B3GLCT: variants seen among roughly 807,000 people sequenced by gnomAD.
B3GLCT encodes the protein beta-1,3-glucosyltransferase.
A neutral mutation model predicts 63.4 loss-of-function variants in B3GLCT; 65 were observed. The ratio of observed to expected loss-of-function variants is 1.03; its 90% CI spans 0.84 to 1.26. The LOEUF is 1.26. B3GLCT is among the 50% of genes most tolerant of loss of function. B3GLCT has a pLI of 0.00. For synonymous variants in B3GLCT, 233 were observed against 219.2 expected, an observed-to-expected ratio of 1.06 and a Z score of -0.55; for missense variants, 577 against 604.8, an observed-to-expected ratio of 0.95 and a Z score of 0.48.
intron 12 of B3GLCT, among the ~76,000 whole-genome samples, chr13:31,304,649 C>T (rs1386547187): frequency 3.1e-5 from 1 of 31,886 alleles, no homozygotes; most frequent in Non-Finnish European, 5.6e-5. Flanking sequence ...ATTTATGCAC[C>T]CAATACAGGA....
At chr13:31,245,894 C>G (rs923074120) in intron 4 of B3GLCT, among the ~76,000 whole-genome samples, 4 of 152,098 alleles carry the variant, frequency 2.6e-5, no homozygotes, top group African/African-American at 9.7e-5. Flanking sequence ...AAGGTTTGCT[C>G]TTTCTAACAT....
chr13:31,247,213 T>C (rs1871237413), intron 5 of B3GLCT, 114 bp downstream of exon 5: 1 of 834,572 alleles, frequency 1.2e-6, no homozygotes, highest in African/African-American at 1.7e-5. Flanking sequence ...GTGAAGTAAA[T>C]TTGAGTTTTA....
chr13:31,296,943 C>A (rs1378888069), intron 12 of B3GLCT, among the ~76,000 whole-genome samples: 1 of 152,086 alleles, frequency 6.6e-6, no homozygotes, highest in Non-Finnish European at 1.5e-5. Context: ...AACCCCATCC[C>A]CTGGCAACCA....
chr13:31,227,679 G>T (rs1179891716), intron 3 of B3GLCT, among the ~76,000 whole-genome samples: 1 of 152,148 alleles, frequency 6.6e-6, no homozygotes, highest in African/African-American at 2.4e-5. Flanking sequence ...GATCTAGATG[G>T]CTCACTGTGG....
intron 1 of B3GLCT, among the ~76,000 whole-genome samples, chr13:31,207,347 G>A (rs1267489667): frequency 6.6e-6 from 1 of 151,308 alleles, no homozygotes; most frequent in Admixed American, 6.6e-5. Flanking sequence ...GTAGTAGGCT[G>A]TGTGACCAGG....
At chr13:31,236,972 A>G (rs1205638532) in intron 4 of B3GLCT, among the ~76,000 whole-genome samples, 3 of 152,066 alleles carry the variant, frequency 2.0e-5, no homozygotes, top group Non-Finnish European at 4.4e-5. Flanking sequence ...ACAAAAATAC[A>G]AAAATTAGCC....
At chr13:31,236,824 A>G (rs1870673872) in intron 4 of B3GLCT, among the ~76,000 whole-genome samples, 1 of 152,132 alleles carries the variant, frequency 6.6e-6, no homozygotes, top group Non-Finnish European at 1.5e-5. Context: ...CATGAATAGC[A>G]CTTTAGAGAT....
chr13:31,210,445 C>T (rs946778558), intron 1 of B3GLCT, among the ~76,000 whole-genome samples: 29 of 152,192 alleles, frequency 1.9e-4, no homozygotes, highest in African/African-American at 7.0e-4. Context: ...CCTGTGTACC[C>T]CTTTGGTTGG....
chr13:31,265,064 A>G (rs1440939645), intron 7 of B3GLCT, among the ~76,000 whole-genome samples: 2 of 152,330 alleles, frequency 1.3e-5, no homozygotes, highest in Admixed American at 6.5e-5. Flanking sequence ...TTTGCATCCA[A>G]TAGTAGATAG....
intron 14 of B3GLCT, among the ~76,000 whole-genome samples, chr13:31,329,079 G>A (rs981717308): frequency 6.6e-6 from 1 of 152,160 alleles, no homozygotes; most frequent in Non-Finnish European, 1.5e-5. Context: ...GAGGCCAAGG[G>A]AAATCTGAGA....
intron 3 of B3GLCT, 25 bp from the exon 4 acceptor site, chr13:31,229,160 T>A: frequency 6.9e-7 from 1 of 1,445,210 alleles, no homozygotes. Context: ...AAGAAATACC[T>A]GAAAACTATT....
Position 31,329,513 on chromosome 13 carries a change from G to A in B3GLCT, c.1342G>A (p.Asp448Asn). ...ATTTTTCCTGCAGGCTCGGCCGGTG[G>A]ATTACCCTAAGGACTACCTTTCTCA... Reference protein sequence around the residue: ...SPLFHQARPVDYPKDYLSHQV... With the variant: ...SPLFHQARPVNYPKDYLSHQV... The change falls in exon 15 of 15, where the codon GAT becomes AAT. Residue 448 changes from aspartate to asparagine, a missense_variant. Coordinates refer to ENST00000343307, the MANE Select transcript of B3GLCT (RefSeq NM_194318.4). 6.2e-7 allele frequency: 1 copy of A among 1,614,162 alleles called. No individual in the cohort carries two copies. The highest frequency in any genetic ancestry group is 1.1e-5 in the South Asian group (1 of 91,080).
At chr13:31,205,902 T>G (rs1160001176) in intron 1 of B3GLCT, among the ~76,000 whole-genome samples, 2 of 152,344 alleles carry the variant, frequency 1.3e-5, no homozygotes, top group East Asian at 3.9e-4. Flanking sequence ...AAATAAGAGT[T>G]GAATGTATCT....
At chr13:31,255,131 A>G (rs906283760) in intron 6 of B3GLCT, among the ~76,000 whole-genome samples, 1 of 152,168 alleles carries the variant, frequency 6.6e-6, no homozygotes, top group Non-Finnish European at 1.5e-5. Flanking sequence ...AATCAAGTGC[A>G]GAAATCACAA....
intron 1 of B3GLCT, among the ~76,000 whole-genome samples, chr13:31,209,974 C>T (rs1045657046): frequency 6.6e-6 from 1 of 152,138 alleles, no homozygotes; most frequent in African/African-American, 2.4e-5. Context: ...GTCCCTTGCT[C>T]CCTCACAGGA....
At chr13:31,233,301 AAT>A (rs1214530828) in intron 4 of B3GLCT, among the ~76,000 whole-genome samples, 2 of 152,196 alleles carry the variant, frequency 1.3e-5, no homozygotes, top group Non-Finnish European at 2.9e-5. Flanking sequence ...GTTCTAGAAA[AAT>A]ATGATGTTAT....
intron 9 of B3GLCT, among the ~76,000 whole-genome samples, chr13:31,275,972 GC>G (rs1872765249): frequency 6.6e-6 from 1 of 152,156 alleles, no homozygotes; most frequent in South Asian, 2.1e-4. Context: ...CTATAAACCA[GC>G]CCCAAATTAT....
chr13:31,294,063 T>C (rs1030790282), intron 12 of B3GLCT, among the ~76,000 whole-genome samples: 2 of 152,212 alleles, frequency 1.3e-5, no homozygotes, highest in African/African-American at 2.4e-5. Context: ...CTTTCGCTTA[T>C]GAAGTTTAGT....
chr13:31,279,384 T>C (rs1872951155), intron 10 of B3GLCT, among the ~76,000 whole-genome samples: 1 of 152,078 alleles, frequency 6.6e-6, no homozygotes, highest in African/African-American at 2.4e-5. Flanking sequence ...TCCCTAAGTG[T>C]TGGCCAGTCT....
Sources: allele counts gnomAD v4.1 joint callset (sites outside exome capture counted in the v4.1 genomes callset), GRCh38; gene constraint gnomAD v4.1.1; transcripts MANE v1.5; gene names NCBI Gene and HGNC (gene_info 2026-07-23, HGNC 2026-07-21).